RRM1: variants seen among roughly 807,000 people sequenced by gnomAD.
The protein encoded by RRM1 is ribonucleoside-diphosphate reductase large subunit.
In RRM1, 19 loss-of-function variants were observed where a neutral mutation model predicts 101.5. The ratio of observed to expected loss-of-function variants is 0.19; its 90% CI spans 0.13 to 0.27. RRM1 has a LOEUF of 0.27. RRM1 is among the 10% of genes least tolerant of loss of function. The pLI is 1.00. For missense variants in RRM1, 500 were observed against 962.9 expected (o/e 0.52, Z 6.36); for synonymous variants, 298 against 323.4 (o/e 0.92, Z 0.84).
chr11:4,110,233 A>T (rs944190760), intron 5 of RRM1, among the ~76,000 whole-genome samples: 1 of 152,070 alleles, frequency 6.6e-6, no homozygotes, highest in Admixed American at 6.5e-5. Context: ...GCTCACTTCA[A>T]CCTCTGTCTC....
At chr11:4,102,205 A>C in intron 2 of RRM1, 124 bp downstream of exon 2, 1 of 617,718 alleles carries the variant, frequency 1.6e-6, no homozygotes, top group Middle Eastern at 2.5e-4. Context: ...TTCGATATAA[A>C]ATTTGAATTC....
chr11:4,095,099 G>A (rs1263513082), intron 1 of RRM1, 68 bp downstream of exon 1: 3 of 1,507,470 alleles, frequency 2.0e-6, no homozygotes, highest in Non-Finnish European at 2.7e-6. Context: ...CGGAGCTGAT[G>A]CCCAGACCGC....
At chr11:4,125,862 C>T (rs2094588695) in intron 12 of RRM1, among the ~76,000 whole-genome samples, 1 of 152,138 alleles carries the variant, frequency 6.6e-6, no homozygotes, top group South Asian at 2.1e-4. Context: ...GGGTATTTGG[C>T]AACATGTGTA....
At chr11:4,096,020 C>T (rs1480687023) in intron 1 of RRM1, among the ~76,000 whole-genome samples, 1 of 152,170 alleles carries the variant, frequency 6.6e-6, no homozygotes, top group Non-Finnish European at 1.5e-5. Context: ...AGGCTGTGAA[C>T]ATTTCAAAGA....
At chr11:4,134,012 A>C (rs147988659) in intron 17 of RRM1, among the ~76,000 whole-genome samples, 329 of 118,418 alleles carry the variant, frequency 2.8e-3, no homozygotes, top group African/African-American at 0.011. Flanking sequence ...TTTGAGACGA[A>C]GTCTCTGTCG....
intron 2 of RRM1, chr11:4,105,578 CTTTTTTTTT>C (rs55705631): frequency 5.0e-5 from 14 of 281,724 alleles, no homozygotes; most frequent in South Asian, 3.0e-4. Context: ...TTTTTCTTTC[CTTTTTTTTT>C]TTTTTTTTTT....
chr11:4,127,059 C>G lies in RRM1; in HGVS notation c.1495C>G (p.Arg499Gly). The stretch of plus-strand genomic sequence containing the variant: ...GGCATGCCTATCAAATAAACGCCAT[C>G]GCCCCATTGGAATTGGGGTACAAGG... ...PEACLSNKRH[R>G]PIGIGVQGLA... The change falls in exon 14 of 19, where the codon CGC becomes GGC. Residue 499 changes from arginine to glycine, a missense_variant. Around this residue, in one of 9 missense-constraint regions of RRM1, gnomAD observed 106 missense variants for 138.1 expected, o/e 0.77. Transcript: ENST00000300738. 1.2e-6 allele frequency: 2 copies of G among 1,612,370 alleles called. No individual in the cohort carries two copies. Among genetic ancestry groups the G allele is most frequent in the Non-Finnish European group, 1.7e-6 (2 of 1,179,404 alleles).
At chr11:4,095,545 T>C (rs2094542434) in intron 1 of RRM1, among the ~76,000 whole-genome samples, 2 of 152,146 alleles carry the variant, frequency 1.3e-5, no homozygotes, top group African/African-American at 2.4e-5. Context: ...CGTAGGCACT[T>C]GTCAGTTTAC....
At chr11:4,095,175 C>CCTTCT (rs2094541834) in intron 1 of RRM1, 144 bp downstream of exon 1, 16 of 1,009,296 alleles carry the variant, frequency 1.6e-5, no homozygotes, top group Non-Finnish European at 4.5e-6. Context: ...CCTGTCAGCC[C>CCTTCT]GCTCGGCCTT....
intron 1 of RRM1, among the ~76,000 whole-genome samples, chr11:4,098,693 G>A (rs1445296016): frequency 4.6e-5 from 7 of 152,168 alleles, no homozygotes; most frequent in Non-Finnish European, 7.3e-5. Context: ...GCTAGGAACC[G>A]TTGTAGGCAT....
chr11:4,123,216 A>G lies in RRM1; in HGVS notation c.1152A>G (p.Val384=), dbSNP rs2094584455. Residue 384 remains valine (V), a synonymous_variant, in exon 12 of 19, where the codon GTA becomes GTG. Transcript: ENST00000300738. ...YEKQGRVRKV[V]KAQQLWYAII... ...AACAAGGTCGTGTCCGCAAAGTTGTAAAAGCTCAGCAGCTTTGGTATGCCA... is the reference window on the plus strand; with the variant it reads ...AACAAGGTCGTGTCCGCAAAGTTGTGAAAGCTCAGCAGCTTTGGTATGCCA... 6.2e-7 allele frequency: 1 copy of G among 1,614,156 alleles called. No homozygotes were observed. Among genetic ancestry groups the G allele is most frequent in the Non-Finnish European group, 8.5e-7 (1 of 1,180,002 alleles).
rs1235882420 is a variant in RRM1 at position 4,130,088 on chromosome 11, T to TATATATA, written c.1769+938_1769+939insATATATA. On this transcript the variant is annotated intron_variant, in intron 15 of 18. Transcript: ENST00000300738. ...TATTTATATATATATATATATATAT[T>TATATATA]TTTTTTTTTTTTTTTTCCCCTCAAA... is the stretch of plus-strand genomic sequence containing the variant. Among the ~76,000 whole-genome samples the TATATATA allele has an allele frequency of 7.0e-3, 339 of 48,104 alleles. 2 individuals are homozygous for TATATATA. Among genetic ancestry groups the TATATATA allele is most frequent in the African/African-American group, 0.023 (256 of 11,108 alleles). The allele number at this position is 48,104 out of a possible 152,430, so 31.6% of individuals were successfully genotyped here. A position where few individuals can be genotyped will look rare whatever the true frequency, so the allele number is the denominator to read the frequency against.
chr11:4,112,044 A>G lies in RRM1; in HGVS notation c.632A>G (p.Asn211Ser). The stretch of plus-strand genomic sequence containing the variant: ...CCCACTCTCTTCAATGCTGGTACCA[A>G]CCGCCCACAACTTTCTAGGTAGGTG... ...ASPTLFNAGT[N>S]RPQLSSCFLL... The change falls in exon 7 of 19, where the codon AAC (asparagine) becomes AGC (serine). Residue 211 changes from asparagine to serine, a missense_variant. Asn to Ser is a conservative substitution (Grantham distance 46). Around this residue, in one of 9 missense-constraint regions of RRM1, gnomAD observed 111 missense variants for 219.8 expected, o/e 0.51. Coordinates refer to ENST00000300738, the MANE Select transcript of RRM1 (RefSeq NM_001033.5). The G allele has an allele frequency of 3.1e-6, 5 of 1,613,150 alleles. No individual in the cohort carries two copies. Among genetic ancestry groups the G allele is most frequent in the Non-Finnish European group, 4.2e-6 (5 of 1,179,526 alleles).
intron 8 of RRM1, chr11:4,119,065 T>A (rs1044623676): frequency 6.6e-6 from 1 of 152,320 alleles, no homozygotes; most frequent in Non-Finnish European, 1.5e-5. Flanking sequence ...TGGATTTAAA[T>A]CCTAGCTCCA....
intron 12 of RRM1, among the ~76,000 whole-genome samples, chr11:4,123,588 G>T (rs976803880): frequency 6.6e-6 from 1 of 152,162 alleles, no homozygotes; most frequent in Admixed American, 6.6e-5. Flanking sequence ...AGCCGTGTGG[G>T]AAAGACACAG....
intron 1 of RRM1, among the ~76,000 whole-genome samples, chr11:4,098,312 CCCTT>C (rs1304280917): frequency 6.7e-6 from 1 of 148,480 alleles, no homozygotes; most frequent in Non-Finnish European, 1.5e-5. Context: ...CTTCCTCCCT[CCCTT>C]CCTTCCCTCC....
intron 12 of RRM1, 29 bp downstream of exon 12, chr11:4,123,413 C>T (rs1442392446): frequency 2.6e-6 from 4 of 1,551,958 alleles, no homozygotes; most frequent in Non-Finnish European, 3.6e-6. Context: ...TCCTAGAGTA[C>T]TAAGAAGAGA....
chr11:4,101,202 G>A (rs1029694436), intron 1 of RRM1, among the ~76,000 whole-genome samples: 4 of 152,122 alleles, frequency 2.6e-5, no homozygotes, highest in African/African-American at 9.7e-5. Flanking sequence ...AGACCTAAAG[G>A]AGATATATAG....
At chr11:4,129,276 C>A in intron 15 of RRM1, 126 bp downstream of exon 15, 2 of 539,382 alleles carry the variant, frequency 3.7e-6, no homozygotes, top group South Asian at 2.9e-5. Flanking sequence ...GCTAAAATGG[C>A]CTATCTCACA....
Sources: allele counts gnomAD v4.1 joint callset (sites outside exome capture counted in the v4.1 genomes callset), GRCh38; gene constraint gnomAD v4.1.1; regional missense constraint gnomAD v4.1.1; transcripts MANE v1.5; gene names NCBI Gene and HGNC (gene_info 2026-07-23, HGNC 2026-07-21).